The following NINL variants were observed in gnomAD, a reference collection of about 807,000 sequenced individuals.
The protein encoded by NINL is ninein like.
A neutral mutation model predicts 160.3 loss-of-function variants in NINL; 153 were observed. That is an observed-to-expected ratio of 0.95 (90% confidence interval 0.84 to 1.09). The LOEUF (loss-of-function observed/expected upper bound fraction) is 1.09, where lower values mean the gene tolerates loss of function less well. NINL is among the 50% of genes least tolerant of loss of function. The pLI is 0.00. For synonymous variants in NINL, 800 were observed against 734.8 expected, an observed-to-expected ratio of 1.09 and a Z score of -1.43; for missense variants, 1,829 against 1,764.0, an observed-to-expected ratio of 1.04 and a Z score of -0.66.
At chr20:25,505,343 G>C (rs1435067312) in intron 5 of NINL, among the ~76,000 whole-genome samples, 1 of 148,650 alleles carries the variant, frequency 6.7e-6, no homozygotes, top group Non-Finnish European at 1.5e-5. Flanking sequence ...GGTTGGGGGG[G>C]GGTCACTTTC....
chr20:25,568,097 G>A (rs1295599389), intron 1 of NINL, among the ~76,000 whole-genome samples: 2 of 151,314 alleles, frequency 1.3e-5, no homozygotes, highest in African/African-American at 2.4e-5. Context: ...AAAACTGAAC[G>A]CAGAAAAGTA....
chr20:25,469,507 ACCCTCCCCACGCCCATC>A (rs2063038463), intron 18 of NINL, among the ~76,000 whole-genome samples: 1 of 146,266 alleles, frequency 6.8e-6, no homozygotes, highest in Non-Finnish European at 1.5e-5. Context: ...CAGGTTCCTG[ACCCTCCCCACGCCCATC>A]CCCTCCCCCA....
intron 1 of NINL, among the ~76,000 whole-genome samples, chr20:25,551,148 T>C (rs1338624110): frequency 1.3e-5 from 2 of 151,268 alleles, no homozygotes; most frequent in East Asian, 4.0e-4. Context: ...CAGCCCTAAA[T>C]CCATTAAACC....
chr20:25,528,624 A>G (rs1409118366), intron 1 of NINL, among the ~76,000 whole-genome samples: 1 of 152,210 alleles, frequency 6.6e-6, no homozygotes, highest in African/African-American at 2.4e-5. Context: ...TTTTAGAACA[A>G]GTAGAACACT....
intron 1 of NINL, among the ~76,000 whole-genome samples, chr20:25,563,034 C>T (rs1396232688): frequency 1.3e-5 from 2 of 152,040 alleles, no homozygotes; most frequent in East Asian, 1.9e-4. Flanking sequence ...GGCGTGGTGG[C>T]GGGCGCCTGT....
chr20:25,526,435 C>A lies in NINL; in HGVS notation c.153G>T (p.Thr51=). 6.2e-7 allele frequency: 1 copy of A among 1,612,888 alleles called. No individual in the cohort carries two copies. The highest frequency in any genetic ancestry group is 1.3e-5 in the African/African-American group (1 of 75,040). The change falls in exon 2 of 24, where the codon ACG becomes ACT. Residue 51 remains threonine, a synonymous_variant. Coordinates refer to ENST00000278886, the MANE Select transcript of NINL (RefSeq NM_025176.6). The stretch of plus-strand genomic sequence containing the variant: ...TGGCGAAATGGTCGTTTCCGAGAAG[C>A]GTCTGCAGGAGGACGGGCAGCTGCT... ...LEQQLPVLLQ[T]LLGNDHFARV...
In NINL at chr20:25,476,256, T is replaced by C; in HGVS notation, c.3035A>G (p.His1012Arg). 6.2e-7 allele frequency: 1 copy of C among 1,613,926 alleles called. No individual in the cohort carries two copies. Among genetic ancestry groups the C allele is most frequent in the Non-Finnish European group, 8.5e-7 (1 of 1,179,968 alleles). ...EGALEPGCHKHSVEVARRGSL... is the reference protein window; with the variant it reads ...EGALEPGCHKRSVEVARRGSL... Reference sequence around the variant, plus strand: ...CCCTCTCCTGGCAACCTCCACACTGTGCTTGTGACACCCAGGCTCCAGGGC... The same window carrying C: ...CCCTCTCCTGGCAACCTCCACACTGCGCTTGTGACACCCAGGCTCCAGGGC... Residue 1012 changes from histidine (H) to arginine (R), a missense_variant, in exon 17 of 24, where the codon CAC (histidine) becomes CGC (arginine). Transcript: ENST00000278886.
chr20:25,559,871 T>C (rs1600342289), intron 1 of NINL, among the ~76,000 whole-genome samples: 1 of 152,040 alleles, frequency 6.6e-6, no homozygotes, highest in East Asian at 1.9e-4. Flanking sequence ...CCTCCCAAAC[T>C]GTTGGGATTA....
chr20:25,453,197 C>G lies in NINL; in HGVS notation c.*254G>C, dbSNP rs1685063093. 5 of 352,416 alleles carry G rather than the reference C, an allele frequency of 1.4e-5. No homozygotes were observed. Among genetic ancestry groups the G allele is most frequent in the Non-Finnish European group, 2.5e-5 (5 of 196,648 alleles). 21.8% of individuals were successfully genotyped at this position (352,416 alleles called of 1,614,324 possible). ...GATCTGGCTCCAGAGAGTGGCAAAA[C>G]TGGGAATTTTGCCAAGGGAAATTAC... On this transcript the variant is annotated 3_prime_UTR_variant, in exon 24 of 24. Coordinates refer to ENST00000278886, the MANE Select transcript of NINL (RefSeq NM_025176.6).
rs754030158 is a variant in NINL at position 25,517,788 on chromosome 20, C to T, written c.242G>A (p.Arg81His). Residue 81 changes from arginine (R) to histidine (H), a missense_variant, in exon 3 of 24, where the codon CGC becomes CAC. Arg to His is a conservative substitution (Grantham distance 29). Transcript: ENST00000278886. ...VAVLSSNAGV[R>H]PSDEDSSSLE... The stretch of plus-strand genomic sequence containing the variant: ...AGAACTACTGTCTTCATCTGAGGGG[C>T]GAACACCAGCATTTGAAGACAACAC... 23 of 1,607,134 alleles carry T rather than the reference C, an allele frequency of 1.4e-5. No homozygotes were observed. The East Asian group carries it at 2.7e-4, about 19-fold the overall frequency.
chr20:25,461,255 T>A (rs1356037240), intron 21 of NINL, among the ~76,000 whole-genome samples: 1 of 152,230 alleles, frequency 6.6e-6, no homozygotes, highest in African/African-American at 2.4e-5. Context: ...TCCTCCATTC[T>A]GTGGAGGGCT....
intron 1 of NINL, among the ~76,000 whole-genome samples, chr20:25,550,110 G>T (rs1372215390): frequency 2.6e-5 from 4 of 152,368 alleles, no homozygotes; most frequent in Admixed American, 2.6e-4. Context: ...GGTGGATACA[G>T]TGGCTCATGC....
intron 1 of NINL, among the ~76,000 whole-genome samples, chr20:25,544,972 G>C (rs754273735): frequency 2.0e-5 from 3 of 152,182 alleles, no homozygotes; most frequent in Non-Finnish European, 2.9e-5. Context: ...CTTTATCTCC[G>C]TAAGTATGAC....
intron 1 of NINL, among the ~76,000 whole-genome samples, chr20:25,556,377 A>G (rs1232093441): frequency 6.6e-6 from 1 of 152,260 alleles, no homozygotes; most frequent in Non-Finnish European, 1.5e-5. Flanking sequence ...TAATCCCAGC[A>G]CTTTGTGAAG....
At chr20:25,583,130 T>C (rs1285830547) in intron 1 of NINL, among the ~76,000 whole-genome samples, 1 of 152,114 alleles carries the variant, frequency 6.6e-6, no homozygotes, top group Non-Finnish European at 1.5e-5. Flanking sequence ...AACTGACAAA[T>C]GGGATCTAAC....
At chr20:25,461,442 TG>T in intron 21 of NINL, 79 bp downstream of exon 21, 1 of 834,548 alleles carries the variant, frequency 1.2e-6, no homozygotes, top group Non-Finnish European at 1.9e-6. Context: ...GGAGGAGGCC[TG>T]GCAACACCGT....
intron 21 of NINL, 57 bp from the exon 22 acceptor site, chr20:25,458,586 G>C: frequency 1.4e-6 from 2 of 1,467,582 alleles, no homozygotes; most frequent in Non-Finnish European, 1.8e-6. Flanking sequence ...GCACAGAGGA[G>C]CACCCTCTCC....
chr20:25,497,996 C>T (rs1441240078), intron 9 of NINL, among the ~76,000 whole-genome samples: 9 of 152,256 alleles, frequency 5.9e-5, no homozygotes, highest in Non-Finnish European at 1.2e-4. Flanking sequence ...ATTCACCTGT[C>T]CATGCTCCGT....
intron 18 of NINL, among the ~76,000 whole-genome samples, chr20:25,468,523 C>T (rs1425396077): frequency 2.3e-5 from 2 of 85,992 alleles, no homozygotes; most frequent in Non-Finnish European, 5.0e-5. Context: ...CACTGGTTGG[C>T]ACTGCCCTGC....
Sources: allele counts gnomAD v4.1 joint callset (sites outside exome capture counted in the v4.1 genomes callset), GRCh38; gene constraint gnomAD v4.1.1; transcripts MANE v1.5; gene names NCBI Gene and HGNC (gene_info 2026-07-23, HGNC 2026-07-21).